The following NCEH1 variants were observed in gnomAD, a reference collection of about 807,000 sequenced individuals.
NCEH1 encodes neutral cholesterol ester hydrolase 1, also known as 2-acetyl MAGE hydrolase.
A neutral mutation model predicts 25.4 loss-of-function variants in NCEH1; 9 were observed. The observed-to-expected ratio is 0.35, with a 90% CI of 0.21 to 0.62. NCEH1 has a LOEUF of 0.62. Among genes scored for constraint, NCEH1 ranks in the 20% least tolerant of loss-of-function variants. The pLI is 0.72. For missense variants in NCEH1, 412 were observed against 501.1 expected (o/e 0.82, Z 1.70); for synonymous variants, 200 against 199.8 (o/e 1.00, Z -0.01).
At chr3:172,654,048 C>A (rs1182395419) in intron 1 of NCEH1, among the ~76,000 whole-genome samples, 1 of 152,038 alleles carries the variant, frequency 6.6e-6, no homozygotes, top group African/African-American at 2.4e-5. Flanking sequence ...AGCCACCGTG[C>A]CCGGCCTGGA....
chr3:172,692,272 T>C (rs1189671952), intron 1 of NCEH1, among the ~76,000 whole-genome samples: 1 of 152,196 alleles, frequency 6.6e-6, no homozygotes, highest in East Asian at 1.9e-4. Context: ...AAAAACCTCA[T>C]TGTTTTCAAT....
chr3:172,669,354 T>G (rs1718378146), intron 1 of NCEH1, among the ~76,000 whole-genome samples: 2 of 152,180 alleles, frequency 1.3e-5, no homozygotes, highest in African/African-American at 4.8e-5. Context: ...TTAGAGTAAT[T>G]GTATTTGCCT....
At chr3:172,654,744 C>T (rs1717611573) in intron 1 of NCEH1, among the ~76,000 whole-genome samples, 1 of 152,236 alleles carries the variant, frequency 6.6e-6, no homozygotes, top group African/African-American at 2.4e-5. Flanking sequence ...TTCTAACTCA[C>T]TACCTGATTC....
intron 1 of NCEH1, among the ~76,000 whole-genome samples, chr3:172,672,477 C>A (rs1711693506): frequency 6.6e-6 from 1 of 152,136 alleles, no homozygotes; most frequent in Admixed American, 6.5e-5. Context: ...AATCCTGTGG[C>A]CTTTATAGAA....
At chr3:172,709,697 C>T (rs1329742548) in intron 1 of NCEH1, among the ~76,000 whole-genome samples, 3 of 152,154 alleles carry the variant, frequency 2.0e-5, no homozygotes, top group African/African-American at 7.2e-5. Context: ...TAATCCTACA[C>T]ATAATGAGTG....
chr3:172,698,843 G>C (rs528877225), intron 1 of NCEH1, among the ~76,000 whole-genome samples: 1 of 152,240 alleles, frequency 6.6e-6, no homozygotes, highest in Non-Finnish European at 1.5e-5. Context: ...TCAGAAGCAC[G>C]TGGAAGCACA....
chr3:172,640,729 G>C (rs1375001488), intron 3 of NCEH1, among the ~76,000 whole-genome samples: 1 of 152,046 alleles, frequency 6.6e-6, no homozygotes, highest in Non-Finnish European at 1.5e-5. Flanking sequence ...GGATGGTCTC[G>C]ATCTCCTGAC....
At chr3:172,696,451 G>T (rs1298572172) in intron 1 of NCEH1, among the ~76,000 whole-genome samples, 2 of 152,206 alleles carry the variant, frequency 1.3e-5, no homozygotes, top group Non-Finnish European at 2.9e-5. Flanking sequence ...CGTGTGCCAG[G>T]TATTGCTCCA....
intron 1 of NCEH1, among the ~76,000 whole-genome samples, chr3:172,675,060 G>C (rs1711886627): frequency 6.6e-6 from 1 of 152,036 alleles, no homozygotes; most frequent in African/African-American, 2.4e-5. Context: ...CTATAATCCC[G>C]GCACCTTGGG....
intron 1 of NCEH1, among the ~76,000 whole-genome samples, chr3:172,661,615 T>G (rs1180530633): frequency 6.6e-6 from 1 of 152,194 alleles, no homozygotes; most frequent in African/African-American, 2.4e-5. Flanking sequence ...CATGGAATGT[T>G]CTTCCATTTG....
chr3:172,700,785 T>C (rs557299893), intron 1 of NCEH1, among the ~76,000 whole-genome samples: 59 of 152,266 alleles, frequency 3.9e-4, no homozygotes, highest in African/African-American at 1.4e-3. Context: ...TCATACGATC[T>C]TGATGGTGTC....
intron 3 of NCEH1, among the ~76,000 whole-genome samples, chr3:172,642,621 AAAAG>A (rs1716907988): frequency 6.7e-6 from 1 of 149,506 alleles, no homozygotes; most frequent in Non-Finnish European, 1.5e-5. Context: ...AAAAAAAAAA[AAAAG>A]AAAAAGAAAA....
intron 1 of NCEH1, among the ~76,000 whole-genome samples, chr3:172,676,835 G>A (rs753182511): frequency 4.1e-4 from 63 of 151,956 alleles, no homozygotes; most frequent in Middle Eastern, 6.8e-3. Flanking sequence ...ATACACACAG[G>A]CACATAAAAA....
At chr3:172,696,594 T>C (rs973596210) in intron 1 of NCEH1, among the ~76,000 whole-genome samples, 6 of 152,232 alleles carry the variant, frequency 3.9e-5, no homozygotes, top group African/African-American at 9.6e-5. Flanking sequence ...AAACAAACCC[T>C]TGGGTTATGT....
chr3:172,708,326 A>G (rs528290553), intron 1 of NCEH1, among the ~76,000 whole-genome samples: 60 of 152,332 alleles, frequency 3.9e-4, no homozygotes, highest in African/African-American at 1.4e-3. Context: ...AAATTATCTG[A>G]GTAACGAGGT....
intron 1 of NCEH1, among the ~76,000 whole-genome samples, chr3:172,690,192 C>T (rs1464135711): frequency 6.6e-6 from 1 of 152,070 alleles, no homozygotes; most frequent in Non-Finnish European, 1.5e-5. Flanking sequence ...CGTGAGCCAC[C>T]GCACCCAGCC....
At chr3:172,707,037 G>A (rs1319724163) in intron 1 of NCEH1, among the ~76,000 whole-genome samples, 1 of 151,546 alleles carries the variant, frequency 6.6e-6, no homozygotes, top group Non-Finnish European at 1.5e-5. Context: ...GGGATTACGG[G>A]GTCAAAAAAT....
At chr3:172,682,672 T>C (rs1237519810) in intron 1 of NCEH1, among the ~76,000 whole-genome samples, 2 of 152,222 alleles carry the variant, frequency 1.3e-5, no homozygotes, top group Non-Finnish European at 2.9e-5. Flanking sequence ...AACACTCCTA[T>C]TTATTATTTA....
At chr3:172,671,918 C>G (rs1388972530) in intron 1 of NCEH1, among the ~76,000 whole-genome samples, 1 of 152,122 alleles carries the variant, frequency 6.6e-6, no homozygotes, top group African/African-American at 2.4e-5. Context: ...AGTGCAATTA[C>G]TTAATTTTTA....
Sources: gnomAD v4.1 joint callset for allele counts (sites outside exome capture counted in the v4.1 genomes callset) on GRCh38, gnomAD v4.1.1 for gene constraint, MANE v1.5 for transcripts, NCBI Gene and HGNC (gene_info 2026-07-23, HGNC 2026-07-21) for gene names.